CAMKMT: variants seen among roughly 807,000 people sequenced by gnomAD.
CAMKMT encodes CaM KMT.
In CAMKMT, 53 loss-of-function variants were observed where a neutral mutation model predicts 48.0. That is an observed-to-expected ratio of 1.10 (90% CI 0.89 to 1.39). The LOEUF is 1.39. Ranked by LOEUF, CAMKMT falls within the 40% of genes most tolerant of loss-of-function variation. The probability of loss-of-function intolerance (pLI) is 0.00; values close to 1 mark genes in which losing one functional copy is unlikely to be tolerated. For synonymous variants in CAMKMT, 165 were observed against 152.3 expected, an observed-to-expected ratio of 1.08 and a Z score of -0.61; for missense variants, 428 against 402.7, an observed-to-expected ratio of 1.06 and a Z score of -0.54.
At chr2:44,734,080 C>A (rs1449531183) in intron 7 of CAMKMT, among the ~76,000 whole-genome samples, 1 of 150,368 alleles carries the variant, frequency 6.7e-6, no homozygotes, top group Non-Finnish European at 1.5e-5. Flanking sequence ...CTGCTCTAAT[C>A]TTTATTACTT....
At chr2:44,751,074 C>T (rs1680133135) in intron 8 of CAMKMT, among the ~76,000 whole-genome samples, 1 of 152,036 alleles carries the variant, frequency 6.6e-6, no homozygotes, top group Admixed American at 6.5e-5. Context: ...AATGAGAGGA[C>T]AGCTGAATGA....
chr2:44,371,418 C>CG, intron 1 of CAMKMT, among the ~76,000 whole-genome samples: 1 of 152,166 alleles, frequency 6.6e-6, no homozygotes. Context: ...TGCACCTGGC[C>CG]TATAGTTTTT....
rs184372709 is a variant in CAMKMT at position 44,398,257 on chromosome 2, A to G, written c.376+7952A>G. On this transcript the variant is annotated intron_variant, in intron 3 of 10. Coordinates refer to ENST00000378494, the MANE Select transcript of CAMKMT (RefSeq NM_024766.5). ...TTCTACTTTATTTCTTAAAGGCTAC[A>G]TTTCTCCAAAACGGCGAGAAATGAA... Among the ~76,000 whole-genome samples, 162 of 152,300 alleles carry G rather than the reference A, an allele frequency of 1.1e-3. 1 individual carries two copies. The highest frequency in any genetic ancestry group is 3.9e-3 in the African/African-American group (161 of 41,562).
chr2:44,694,239 T>C (rs920428667), intron 3 of CAMKMT, among the ~76,000 whole-genome samples: 1 of 152,252 alleles, frequency 6.6e-6, no homozygotes, highest in Non-Finnish European at 1.5e-5. Context: ...TAATCATAGT[T>C]GTGCTGTTTG....
At chr2:44,709,002 G>T (rs1487616318) in intron 6 of CAMKMT, among the ~76,000 whole-genome samples, 2 of 152,134 alleles carry the variant, frequency 1.3e-5, no homozygotes, top group Non-Finnish European at 2.9e-5. Flanking sequence ...AAGTCTAATT[G>T]TTCTAAAATT....
chr2:44,541,406 T>G (rs1667098823), intron 3 of CAMKMT, among the ~76,000 whole-genome samples: 1 of 152,186 alleles, frequency 6.6e-6, no homozygotes, highest in Non-Finnish European at 1.5e-5. Context: ...TCACTTAGGT[T>G]TTGCCATTTC....
chr2:44,405,275 A>G (rs1272867251), intron 3 of CAMKMT, among the ~76,000 whole-genome samples: 1 of 152,250 alleles, frequency 6.6e-6, no homozygotes, highest in African/African-American at 2.4e-5. Flanking sequence ...AAAGGAACAT[A>G]ACTTGAAAAC....
intron 3 of CAMKMT, among the ~76,000 whole-genome samples, chr2:44,469,604 T>C (rs1460437076): frequency 2.0e-5 from 3 of 152,130 alleles, no homozygotes; most frequent in Admixed American, 6.6e-5. Context: ...TTATAATTGC[T>C]TTCTTAATTT....
Position 44,478,606 on chromosome 2 carries a change from T to G in CAMKMT, c.376+88301T>G, listed in dbSNP as rs538911876. Among the ~76,000 whole-genome samples the G allele has an allele frequency of 3.3e-5, 5 of 152,322 alleles. No homozygotes were observed. In the East Asian group the frequency reaches 9.6e-4, roughly 29 times the overall value. ...AACAATAATAAAGGCATTAGTTATT[T>G]TAATTAATTTGTATGGATGGAATAA... On this transcript the variant is annotated intron_variant, in intron 3 of 10. Coordinates refer to ENST00000378494, the MANE Select transcript of CAMKMT (RefSeq NM_024766.5).
chr2:44,465,110 C>A (rs142072864), intron 3 of CAMKMT, among the ~76,000 whole-genome samples: 3 of 151,754 alleles, frequency 2.0e-5, no homozygotes, highest in Non-Finnish European at 4.4e-5. Context: ...TAAAAAGATA[C>A]GTAATTTGTG....
intron 3 of CAMKMT, among the ~76,000 whole-genome samples, chr2:44,595,033 A>G (rs899712633): frequency 6.6e-6 from 1 of 152,254 alleles, no homozygotes; most frequent in African/African-American, 2.4e-5. Flanking sequence ...ACGTTTATGC[A>G]GCCAGCAAAC....
At chr2:44,502,001 G>T (rs1205008367) in intron 3 of CAMKMT, among the ~76,000 whole-genome samples, 1 of 152,092 alleles carries the variant, frequency 6.6e-6, no homozygotes, top group Non-Finnish European at 1.5e-5. Context: ...TAGGCCAGGC[G>T]CAGTGCCTCA....
rs1674436465 is a variant in CAMKMT at position 44,657,378 on chromosome 2, C to A, written c.377-46905C>A. On this transcript the variant is annotated intron_variant, in intron 3 of 10. Coordinates refer to ENST00000378494, the MANE Select transcript of CAMKMT (RefSeq NM_024766.5). The surrounding 1 kb of genome is among the most constrained non-coding windows in gnomAD (Gnocchi z 4.3). ...TTGGAGAGGGCTTTAAAAGTCTTAGCATTGAGGATCCCCATGAATATTGTG... is the reference window on the plus strand; with the variant it reads ...TTGGAGAGGGCTTTAAAAGTCTTAGAATTGAGGATCCCCATGAATATTGTG... Among the ~76,000 whole-genome samples the A allele has an allele frequency of 6.6e-6, 1 of 152,156 alleles. No individual in the cohort carries two copies. The highest frequency in any genetic ancestry group is 1.5e-5 in the Non-Finnish European group (1 of 68,024).
At chr2:44,561,329 A>G (rs1340720088) in intron 3 of CAMKMT, among the ~76,000 whole-genome samples, 1 of 152,192 alleles carries the variant, frequency 6.6e-6, no homozygotes, top group East Asian at 1.9e-4. Context: ...GGTTTATAGT[A>G]TGTGTACTTC....
intron 3 of CAMKMT, among the ~76,000 whole-genome samples, chr2:44,565,513 C>T (rs144436999): frequency 3.0e-4 from 46 of 152,118 alleles, no homozygotes; most frequent in African/African-American, 1.0e-3. Context: ...AGAGTTTGTG[C>T]TTACTTTACA....
intron 3 of CAMKMT, among the ~76,000 whole-genome samples, chr2:44,491,265 A>G (rs1467925568): frequency 6.6e-6 from 1 of 151,898 alleles, no homozygotes; most frequent in African/African-American, 2.4e-5. Context: ...GCTGGAGGGG[A>G]TAGAAGAGGT....
At chr2:44,376,767 C>G (rs1209733534) in intron 2 of CAMKMT, among the ~76,000 whole-genome samples, 1 of 152,048 alleles carries the variant, frequency 6.6e-6, no homozygotes, top group South Asian at 2.1e-4. Flanking sequence ...TTTCTGTCAG[C>G]CTTACATGAT....
chr2:44,503,722 A>G (rs1330239513), intron 3 of CAMKMT, among the ~76,000 whole-genome samples: 1 of 152,122 alleles, frequency 6.6e-6, no homozygotes, highest in Non-Finnish European at 1.5e-5. Context: ...AGTTTCAAGC[A>G]CGCTGTTCTT....
intron 3 of CAMKMT, among the ~76,000 whole-genome samples, chr2:44,450,369 A>T (rs1667227173): frequency 6.6e-6 from 1 of 152,126 alleles, no homozygotes. Flanking sequence ...CTTTAGGTTC[A>T]GCTTCAGAGT....
Sources: gnomAD v4.1 joint callset for allele counts (sites outside exome capture counted in the v4.1 genomes callset) on GRCh38, gnomAD v4.1.1 for gene constraint, Gnocchi (gnomAD v3.1) non-coding constraint, MANE v1.5 for transcripts, NCBI Gene and HGNC (gene_info 2026-07-23, HGNC 2026-07-21) for gene names.